The following TSPAN9 variants were observed in gnomAD, a reference collection of about 807,000 sequenced individuals.
TSPAN9 encodes the protein tetraspanin 9.
TSPAN9 carries 16 observed loss-of-function variants against 31.0 expected under a neutral mutation model. The ratio of observed to expected loss-of-function variants is 0.52; its 90% CI spans 0.35 to 0.78. TSPAN9 has a LOEUF of 0.78. TSPAN9 is among the 30% of genes least tolerant of loss of function. The pLI is 0.01. For missense variants in TSPAN9, 272 were observed against 312.5 expected, an observed-to-expected ratio of 0.87 and a Z score of 0.98; for synonymous variants, 145 against 121.6, an observed-to-expected ratio of 1.19 and a Z score of -1.27.
At chr12:3,250,340 T>A (rs73047059) in intron 3 of TSPAN9, among the ~76,000 whole-genome samples, 6,270 of 152,294 alleles carry the variant, frequency 0.041, 176 homozygotes, top group Non-Finnish European at 0.062. Context: ...GTTAGGCAGG[T>A]CTGTGTTGGC....
intron 2 of TSPAN9, among the ~76,000 whole-genome samples, chr12:3,135,956 G>A (rs2098331928): frequency 6.6e-6 from 1 of 152,178 alleles, no homozygotes; most frequent in South Asian, 2.1e-4. Flanking sequence ...TGTGCTGGCT[G>A]GGTTTTCAGT....
intron 2 of TSPAN9, among the ~76,000 whole-genome samples, chr12:3,196,826 G>C (rs1045814906): frequency 3.9e-5 from 6 of 152,194 alleles, no homozygotes; most frequent in Admixed American, 3.9e-4. Context: ...AGACTTCTGA[G>C]GAAATGGTTA....
At chr12:3,109,846 A>G (rs1473108898) in intron 2 of TSPAN9, among the ~76,000 whole-genome samples, 3 of 151,646 alleles carry the variant, frequency 2.0e-5, no homozygotes, top group Non-Finnish European at 4.4e-5. Context: ...TACAATTTTA[A>G]AGAGACCAGA....
Position 3,227,170 on chromosome 12 carries a change from A to G in TSPAN9, c.63+25914A>G, listed in dbSNP as rs115745356. On this transcript the variant is annotated intron_variant, in intron 3 of 8. Coordinates refer to ENST00000011898, the MANE Select transcript of TSPAN9 (RefSeq NM_006675.5). Reference sequence around the variant, plus strand: ...GTAAACACCACAGTGGGCAAATCCAAATGATTGTTTAGTGGTAAAAAATTA... The same window carrying G: ...GTAAACACCACAGTGGGCAAATCCAGATGATTGTTTAGTGGTAAAAAATTA... Among the ~76,000 whole-genome samples, 931 of 152,102 alleles carry G rather than the reference A, an allele frequency of 6.1e-3. 12 individuals carry two copies. Among genetic ancestry groups the G allele is most frequent in the African/African-American group, 0.021 (871 of 41,486 alleles).
At chr12:3,126,196 AC>A (rs1345997918) in intron 2 of TSPAN9, among the ~76,000 whole-genome samples, 1 of 152,216 alleles carries the variant, frequency 6.6e-6, no homozygotes, top group Non-Finnish European at 1.5e-5. Flanking sequence ...GAGAGTACTT[AC>A]AAAATGCTTA....
At chr12:3,184,415 GAA>G (rs898585694) in intron 2 of TSPAN9, among the ~76,000 whole-genome samples, 1 of 150,748 alleles carries the variant, frequency 6.6e-6, no homozygotes, top group Non-Finnish European at 1.5e-5. Context: ...AAAAAAGAAA[GAA>G]AGAGAAAGAG....
chr12:3,215,980 C>T (rs1054757325), intron 3 of TSPAN9, among the ~76,000 whole-genome samples: 30 of 152,214 alleles, frequency 2.0e-4, no homozygotes, highest in Non-Finnish European at 1.5e-5. Flanking sequence ...AAAACCTGTG[C>T]ATCCTGGAAT....
At chr12:3,236,674 A>G (rs767250417) in intron 3 of TSPAN9, among the ~76,000 whole-genome samples, 1 of 152,138 alleles carries the variant, frequency 6.6e-6, no homozygotes, top group Non-Finnish European at 1.5e-5. Context: ...AGAAGAGACG[A>G]GTAAGCCTGG....
intron 1 of TSPAN9, among the ~76,000 whole-genome samples, chr12:3,080,430 G>T (rs1565567763): frequency 6.6e-6 from 1 of 152,104 alleles, no homozygotes; most frequent in Non-Finnish European, 1.5e-5. Context: ...CCGCCTCCCG[G>T]GTTCAAGCAA....
At chr12:3,138,280 C>G (rs2098333007) in intron 2 of TSPAN9, among the ~76,000 whole-genome samples, 1 of 152,164 alleles carries the variant, frequency 6.6e-6, no homozygotes, top group Non-Finnish European at 1.5e-5. Flanking sequence ...CTGGGGCTGG[C>G]TGGGAAGTGC....
intron 2 of TSPAN9, among the ~76,000 whole-genome samples, chr12:3,181,041 C>T (rs550823706): frequency 6.1e-5 from 9 of 147,264 alleles, no homozygotes; most frequent in East Asian, 2.0e-4. Flanking sequence ...CAGGGGGCTT[C>T]GGCATGAGTC....
chr12:3,260,190 A>G (rs899980757), intron 3 of TSPAN9, among the ~76,000 whole-genome samples: 6 of 152,234 alleles, frequency 3.9e-5, no homozygotes, highest in African/African-American at 1.4e-4. Context: ...AGGGCATTTT[A>G]CCATCCTGTG....
intron 3 of TSPAN9, among the ~76,000 whole-genome samples, chr12:3,251,548 A>G (rs1862244320): frequency 6.7e-6 from 1 of 149,448 alleles, no homozygotes; most frequent in Non-Finnish European, 1.5e-5. Flanking sequence ...AAAATAGCAT[A>G]AATTAAAGTC....
chr12:3,226,656 G>A (rs11609086), intron 3 of TSPAN9, among the ~76,000 whole-genome samples: 177 of 346 alleles, frequency 0.51, 23 homozygotes, highest in Non-Finnish European at 0.57. Context: ...ATATATATGT[G>A]TGTGTGTGTG....
intron 2 of TSPAN9, among the ~76,000 whole-genome samples, chr12:3,102,923 C>A (rs2098312529): frequency 1.3e-5 from 2 of 152,318 alleles, no homozygotes; most frequent in South Asian, 4.1e-4. Context: ...TCCACCCAAC[C>A]TGCCCATCTT....
At position 3,280,372 on chromosome 12, in the gene TSPAN9, C is replaced by T. The variant is rs71577834; in HGVS notation, c.331-10C>T. 2,964 of 1,606,970 alleles carry T rather than the reference C, an allele frequency of 1.8e-3. 5 individuals carry two copies. The highest frequency in any genetic ancestry group is 2.3e-3 in the Non-Finnish European group (2,657 of 1,175,210). ...TTCCAACCGTCTCACTGTGTCCCTC[C>T]GCCTGGCAGGTGAACGAGAACGCCA... On this transcript the variant is annotated splice_polypyrimidine_tract_variant and intron_variant, in intron 5 of 8. Transcript: ENST00000011898. This position sits in a 1 kb window ranked among gnomAD's most constrained non-coding sequence, Gnocchi z 4.5.
chr12:3,281,248 G>A lies in TSPAN9; in HGVS notation c.483G>A (p.Gly161=), dbSNP rs1862886996. Residue 161 remains glycine, a synonymous_variant, in exon 7 of 9, where the codon GGG becomes GGA. Transcript: ENST00000011898. ...ACACAGACTGGTACCCAGTGCTGGGGGAGAACACGGTTCCCGACCGCTGCT... is the reference window on the plus strand; with the variant it reads ...ACACAGACTGGTACCCAGTGCTGGGAGAGAACACGGTTCCCGACCGCTGCT... The part of the protein sequence containing the change: ...TDYTDWYPVL[G]ENTVPDRCCM... 8.4e-6 allele frequency: 13 copies of A among 1,551,282 alleles called. No homozygotes were observed. In the Admixed American group the frequency reaches 2.2e-4, roughly 26 times the overall value.
At chr12:3,277,085 C>G (rs1020302158) in intron 3 of TSPAN9, among the ~76,000 whole-genome samples, 1 of 152,168 alleles carries the variant, frequency 6.6e-6, no homozygotes, top group South Asian at 2.1e-4. Context: ...AAGCAGTGCC[C>G]GGAGCTGGCC....
intron 2 of TSPAN9, among the ~76,000 whole-genome samples, chr12:3,111,231 G>T (rs2098318473): frequency 6.6e-6 from 1 of 152,272 alleles, no homozygotes; most frequent in African/African-American, 2.4e-5. Flanking sequence ...TCAGAACATA[G>T]TCCAGATCCT....
Sources: allele counts gnomAD v4.1 joint callset (sites outside exome capture counted in the v4.1 genomes callset), GRCh38; gene constraint gnomAD v4.1.1; non-coding constraint Gnocchi (gnomAD v3.1); transcripts MANE v1.5; gene names NCBI Gene and HGNC (gene_info 2026-07-23, HGNC 2026-07-21).